The following TLK2 variants were observed in gnomAD, a reference collection of about 807,000 sequenced individuals.
TLK2 encodes the protein tousled like kinase 2.
A neutral mutation model predicts 117.3 loss-of-function variants in TLK2; 6 were observed. The ratio of observed to expected loss-of-function variants is 0.05; its 90% CI spans 0.03 to 0.10. The LOEUF is 0.10. Among genes scored for constraint, TLK2 ranks in the 10% least tolerant of loss-of-function variants. TLK2 has a pLI of 1.00. For synonymous variants in TLK2, 257 were observed against 316.7 expected (o/e 0.81, Z 2.00); for missense variants, 299 against 901.2 (o/e 0.33, Z 8.56).
intron 2 of TLK2, among the ~76,000 whole-genome samples, chr17:62,496,453 G>GATGT (rs1333840872): frequency 6.6e-6 from 1 of 152,202 alleles, no homozygotes; most frequent in South Asian, 2.1e-4. Context: ...TTTTTTCAAG[G>GATGT]ATGTATGCAT....
intron 2 of TLK2, among the ~76,000 whole-genome samples, chr17:62,520,363 G>A (rs921689256): frequency 9.2e-5 from 14 of 152,070 alleles, no homozygotes; most frequent in Non-Finnish European, 1.3e-4. Flanking sequence ...CACTGAAGTC[G>A]CATTCTTCCC....
intron 21 of TLK2, among the ~76,000 whole-genome samples, chr17:62,608,498 A>G (rs1012634241): frequency 6.6e-6 from 1 of 152,214 alleles, no homozygotes; most frequent in Non-Finnish European, 1.5e-5. Context: ...ATTATGATTA[A>G]TTTGGGGAGC....
upstream of TLK2, among the ~76,000 whole-genome samples, chr17:62,473,832 G>A (rs537420571): frequency 2.8e-4 from 42 of 152,260 alleles, 1 homozygote; most frequent in South Asian, 8.1e-3. Flanking sequence ...AATATGGCCC[G>A]CAAAGCCTGA....
intron 17 of TLK2, chr17:62,600,212 C>G (rs1322290780): frequency 6.6e-6 from 1 of 151,410 alleles, no homozygotes; most frequent in Non-Finnish European, 1.5e-5. Context: ...CCACTGCACT[C>G]CAGCCTAGGC....
intron 6 of TLK2, among the ~76,000 whole-genome samples, chr17:62,532,616 A>C (rs1246385505): frequency 3.3e-5 from 5 of 152,256 alleles, no homozygotes; most frequent in Non-Finnish European, 1.5e-5. Context: ...AGAAATGGTG[A>C]AATAGAAAGT....
chr17:62,489,594 C>T (rs963644189), intron 2 of TLK2, among the ~76,000 whole-genome samples: 8 of 152,018 alleles, frequency 5.3e-5, no homozygotes, highest in Non-Finnish European at 1.0e-4. Context: ...CCTATTTTCT[C>T]ATTATTCACA....
Position 62,612,708 on chromosome 17 carries a change from A to G in TLK2, c.*143A>G. 4.7e-6 allele frequency: 4 copies of G among 846,774 alleles called. No individual in the cohort carries two copies. The highest frequency in any genetic ancestry group is 3.5e-6 in the Non-Finnish European group (2 of 577,014). The allele number at this position is 846,774 out of a possible 1,614,324, so 52.5% of individuals were successfully genotyped here. A position where few individuals can be genotyped will look rare whatever the true frequency, so the allele number is the denominator to read the frequency against. ...TTATTTTCTTGCTTTTTTCCCATCC[A>G]TAGAGCATGACAGCATCGATTCTCA... On this transcript the variant is annotated 3_prime_UTR_variant, in exon 22 of 22. Coordinates refer to ENST00000346027, the MANE Select transcript of TLK2 (RefSeq NM_006852.6).
intron 9 of TLK2, among the ~76,000 whole-genome samples, chr17:62,556,494 CCCGTGGAAAGACAACA>C (rs1307973579): frequency 1.3e-5 from 2 of 152,226 alleles, no homozygotes; most frequent in African/African-American, 4.8e-5. Flanking sequence ...CTTTTGCCCT[CCCGTGGAAAGACAACA>C]CTGTGTGCAG....
At chr17:62,513,393 A>T (rs2075315321) in intron 2 of TLK2, among the ~76,000 whole-genome samples, 1 of 146,494 alleles carries the variant, frequency 6.8e-6, no homozygotes, top group Non-Finnish European at 1.5e-5. Flanking sequence ...TGTGATCATA[A>T]TTCACTGTAA....
At chr17:62,520,685 A>G (rs1179620813) in intron 2 of TLK2, 88 bp from the exon 3 acceptor site, 6 of 1,321,310 alleles carry the variant, frequency 4.5e-6, no homozygotes, top group Non-Finnish European at 6.0e-6. Flanking sequence ...CTAAAAAAAA[A>G]AAAAAAAAAA....
At position 62,490,796 on chromosome 17, in the gene TLK2, C is replaced by T. The variant is rs189488328; in HGVS notation, c.81+9590C>T. ...ACCTCAGGTGATCCACCTTCCTCGG[C>T]CTCCCAAAATGCTGGGATTACAGGC... On this transcript the variant is annotated intron_variant, in intron 2 of 21. Coordinates refer to ENST00000346027, the MANE Select transcript of TLK2 (RefSeq NM_006852.6). 3.5e-3 allele frequency among the ~76,000 whole-genome samples: 529 copies of T among 152,346 alleles called. 3 individuals carry two copies. Among genetic ancestry groups the T allele is most frequent in the African/African-American group, 0.012 (491 of 41,576 alleles).
intron 9 of TLK2, among the ~76,000 whole-genome samples, chr17:62,554,680 A>G (rs1014837898): frequency 6.6e-6 from 1 of 152,158 alleles, no homozygotes; most frequent in Admixed American, 6.6e-5. Flanking sequence ...CAGGGGTTTG[A>G]GACCAGCATG....
chr17:62,580,606 A>G (rs2081140586), intron 15 of TLK2, among the ~76,000 whole-genome samples: 1 of 152,178 alleles, frequency 6.6e-6, no homozygotes, highest in Non-Finnish European at 1.5e-5. Context: ...TTTTTGTTTT[A>G]GAAGTGTTCT....
At chr17:62,477,536 C>A (rs980858254), upstream of TLK2, 10 of 152,182 alleles carry the variant, frequency 6.6e-5, no homozygotes, top group African/African-American at 2.4e-4. Flanking sequence ...AAGAGAAGAA[C>A]GAAGAAATAA....
chr17:62,521,836 A>G (rs1394621440), intron 3 of TLK2, among the ~76,000 whole-genome samples: 1 of 152,178 alleles, frequency 6.6e-6, no homozygotes, highest in Non-Finnish European at 1.5e-5. Flanking sequence ...CCTTTTTGGA[A>G]AAAAGATTGG....
chr17:62,508,852 C>T (rs921115857), intron 2 of TLK2, among the ~76,000 whole-genome samples: 1 of 152,056 alleles, frequency 6.6e-6, no homozygotes, highest in Non-Finnish European at 1.5e-5. Flanking sequence ...CTTGTAATCC[C>T]AGCTACTTGG....
chr17:62,576,759 T>C lies in TLK2; in HGVS notation c.1172T>C (p.Leu391Ser). 1 of 1,612,590 alleles carries C rather than the reference T, an allele frequency of 6.2e-7. No homozygotes were observed. Among genetic ancestry groups the C allele is most frequent in the East Asian group, 2.2e-5 (1 of 44,824 alleles). Residue 391 changes from leucine to serine, a missense_variant, in exon 13 of 22, where the codon TTA (leucine) becomes TCA (serine). Coordinates refer to ENST00000346027, the MANE Select transcript of TLK2 (RefSeq NM_006852.6). ...HEQEEIFKLRLGHLKKEEAEI... is the reference protein window; with the variant it reads ...HEQEEIFKLRSGHLKKEEAEI... The stretch of plus-strand genomic sequence containing the variant: ...CAAGAAGAAATCTTCAAACTCAGAT[T>C]AGGTCATCTTAAAAAGGTAAGTATA...
chr17:62,531,447 A>T (rs2076734732), intron 6 of TLK2, among the ~76,000 whole-genome samples: 3 of 152,184 alleles, frequency 2.0e-5, no homozygotes, highest in Non-Finnish European at 2.9e-5. Flanking sequence ...TTTATTTTTT[A>T]AAATATGGTA....
chr17:62,509,575 A>C lies in TLK2; in HGVS notation c.82-11198A>C, dbSNP rs1339653645. On this transcript the variant is annotated intron_variant, in intron 2 of 21. Transcript: ENST00000346027. ...TGTTTTGTTTCAAGTAGGTTATCCT[A>C]GGAATGTCAAACAAGTTCGTGTTTA... Among the ~76,000 whole-genome samples, 3 of 152,226 alleles carry C rather than the reference A, an allele frequency of 2.0e-5. No homozygotes were observed. In the East Asian group the frequency reaches 5.8e-4, roughly 29 times the overall value.
Sources: gnomAD v4.1 joint callset for allele counts (sites outside exome capture counted in the v4.1 genomes callset) on GRCh38, gnomAD v4.1.1 for gene constraint, MANE v1.5 for transcripts, NCBI Gene and HGNC (gene_info 2026-07-23, HGNC 2026-07-21) for gene names.